The following NAALADL2 variants were observed in gnomAD, a reference collection of about 807,000 sequenced individuals.
NAALADL2 encodes the protein N-acetylated alpha-linked acidic dipeptidase like 2, also known as inactive N-acetylated-alpha-linked acidic dipeptidase-like protein 2.
NAALADL2 carries 76 observed loss-of-function variants against 87.2 expected under a neutral mutation model. That is an observed-to-expected ratio of 0.87 (90% CI 0.72 to 1.05). The LOEUF (loss-of-function observed/expected upper bound fraction) is 1.05. Ranked by LOEUF, NAALADL2 falls within the 50% of genes least tolerant of loss-of-function variation. The pLI, the probability that NAALADL2 is intolerant of heterozygous loss-of-function variation, is 0.00. For synonymous variants in NAALADL2, 354 were observed against 331.0 expected (o/e 1.07, Z -0.75); for missense variants, 1,089 against 945.8 (o/e 1.15, Z -1.99).
intron 9 of NAALADL2, among the ~76,000 whole-genome samples, chr3:175,484,848 A>G (rs1037728063): frequency 3.3e-5 from 5 of 152,064 alleles, no homozygotes; most frequent in African/African-American, 1.2e-4. Context: ...AAGCTTGACT[A>G]TGTGTTTCTC....
chr3:175,371,006 A>G (rs528426097), intron 5 of NAALADL2, among the ~76,000 whole-genome samples: 2 of 152,304 alleles, frequency 1.3e-5, no homozygotes, highest in East Asian at 1.9e-4. Context: ...TTGATTAAAA[A>G]TGAGAATCAT....
chr3:175,150,431 A>G (rs1269897175), intron 2 of NAALADL2, among the ~76,000 whole-genome samples: 2 of 152,142 alleles, frequency 1.3e-5, no homozygotes, highest in East Asian at 3.8e-4. Flanking sequence ...TGTCTCAGAC[A>G]GATTATTATT....
At chr3:175,699,413 A>G (rs60992287) in intron 11 of NAALADL2, among the ~76,000 whole-genome samples, 1 of 152,024 alleles carries the variant, frequency 6.6e-6, no homozygotes, top group Non-Finnish European at 1.5e-5. Context: ...GTTTGCTAAC[A>G]TACATGAAAC....
intron 2 of NAALADL2, among the ~76,000 whole-genome samples, chr3:174,652,551 T>C (rs1724475911): frequency 6.6e-6 from 1 of 152,014 alleles, no homozygotes; most frequent in Non-Finnish European, 1.5e-5. Context: ...CTGCCCTTTA[T>C]AAAGCCATCA....
At chr3:175,720,007 T>G (rs1198240408) in intron 11 of NAALADL2, among the ~76,000 whole-genome samples, 4 of 152,192 alleles carry the variant, frequency 2.6e-5, no homozygotes, top group African/African-American at 7.2e-5. Context: ...AGACCTTACT[T>G]TCTAATATAA....
At chr3:175,512,530 G>A (rs912193111) in intron 9 of NAALADL2, among the ~76,000 whole-genome samples, 1 of 152,036 alleles carries the variant, frequency 6.6e-6, no homozygotes, top group African/African-American at 2.4e-5. Flanking sequence ...CAACTTTATT[G>A]GTACTTTATA....
chr3:174,562,416 CAG>C (rs1177407257), intron 2 of NAALADL2, among the ~76,000 whole-genome samples: 1 of 151,944 alleles, frequency 6.6e-6, no homozygotes, highest in East Asian at 1.9e-4. Context: ...TGATTTAAAA[CAG>C]AGGGGATAGA....
chr3:174,810,810 G>A (rs1309841242), intron 3 of NAALADL2, among the ~76,000 whole-genome samples: 1 of 152,126 alleles, frequency 6.6e-6, no homozygotes, highest in African/African-American at 2.4e-5. Flanking sequence ...AGAAGACCTC[G>A]AAGGTATTTC....
chr3:174,611,744 C>T (rs1719913387), intron 2 of NAALADL2, among the ~76,000 whole-genome samples: 1 of 151,776 alleles, frequency 6.6e-6, no homozygotes, highest in Non-Finnish European at 1.5e-5. Flanking sequence ...GTGCATGCCG[C>T]CACGCCTGGC....
chr3:175,142,838 G>A (rs1465788056), intron 2 of NAALADL2, among the ~76,000 whole-genome samples: 1 of 151,944 alleles, frequency 6.6e-6, no homozygotes, highest in African/African-American at 2.4e-5. Context: ...TCTATTTGAA[G>A]AGGGATATGA....
At chr3:174,898,136 A>AAAAAAAAG (rs1579423844) in intron 1 of NAALADL2, among the ~76,000 whole-genome samples, 11 of 132,178 alleles carry the variant, frequency 8.3e-5, no homozygotes, top group South Asian at 2.2e-4. Context: ...AAAAAAAAAA[A>AAAAAAAAG]AAAAAAAGAA....
chr3:174,856,643 G>A (rs1315032559), upstream of NAALADL2, among the ~76,000 whole-genome samples: 4 of 152,084 alleles, frequency 2.6e-5, no homozygotes, highest in Non-Finnish European at 5.9e-5. Flanking sequence ...AAAGTTATGA[G>A]GCTGGCAATT....
intron 1 of NAALADL2, among the ~76,000 whole-genome samples, chr3:174,907,787 G>T (rs1234590251): frequency 2.0e-5 from 3 of 152,002 alleles, no homozygotes; most frequent in Non-Finnish European, 4.4e-5. Flanking sequence ...TCATTTCTAA[G>T]TGAACAAACA....
chr3:175,686,701 A>G (rs997346410), intron 11 of NAALADL2, among the ~76,000 whole-genome samples: 1 of 152,218 alleles, frequency 6.6e-6, no homozygotes, highest in East Asian at 1.9e-4. Flanking sequence ...AGATTTATAT[A>G]ACAAATGGTT....
In NAALADL2 at chr3:175,781,731, T is replaced by G. The variant is rs1292800571; in HGVS notation, c.2190-21274T>G. ...TATTTTTTTTATTTTTTTATTATAC[T>G]TTAAGTTTTAGGGTACATGTGCACA... On this transcript the variant is annotated intron_variant, in intron 13 of 13. Transcript: ENST00000454872. Among the ~76,000 whole-genome samples, 52 of 152,118 alleles carry G rather than the reference T, an allele frequency of 3.4e-4. No individual in the cohort carries two copies. The Middle Eastern group carries it at 0.01, about 30-fold the overall frequency.
chr3:175,368,143 T>C (rs1000411580), intron 5 of NAALADL2, among the ~76,000 whole-genome samples: 12 of 152,256 alleles, frequency 7.9e-5, no homozygotes, highest in African/African-American at 2.7e-4. Context: ...GTTCTGTTTA[T>C]ACGCTGGATT....
intron 1 of NAALADL2, chr3:175,059,825 A>G: frequency 3.2e-6 from 1 of 313,472 alleles, no homozygotes; most frequent in Non-Finnish European, 6.5e-6. Context: ...CACTCCTGGA[A>G]GGCTGGCCTT....
intron 2 of NAALADL2, among the ~76,000 whole-genome samples, chr3:175,231,326 T>A (rs1489662467): frequency 6.6e-6 from 1 of 152,042 alleles, no homozygotes; most frequent in Admixed American, 6.6e-5. Flanking sequence ...CTTTCACTAC[T>A]CTTTATACAT....
chr3:175,713,985 G>A (rs573508122), intron 11 of NAALADL2, among the ~76,000 whole-genome samples: 36 of 152,158 alleles, frequency 2.4e-4, no homozygotes, highest in South Asian at 1.0e-3. Flanking sequence ...GCAGTGTTTG[G>A]TTTTCTATTC....
Sources: allele counts gnomAD v4.1 joint callset (sites outside exome capture counted in the v4.1 genomes callset), GRCh38; gene constraint gnomAD v4.1.1; transcripts MANE v1.5; gene names NCBI Gene and HGNC (gene_info 2026-07-23, HGNC 2026-07-21).